LRP1B: variants seen among roughly 807,000 people sequenced by gnomAD.
The protein encoded by LRP1B is LDL receptor related protein 1B.
LRP1B carries 217 observed loss-of-function variants against 556.6 expected under a neutral mutation model. That is an observed-to-expected ratio of 0.39 (90% confidence interval 0.35 to 0.44). The LOEUF is 0.44. LRP1B is among the 20% of genes least tolerant of loss of function. The probability of loss-of-function intolerance (pLI) is 1.00; values close to 1 mark genes in which losing one functional copy is unlikely to be tolerated. For missense variants in LRP1B, 5,053 were observed against 5,620.8 expected, an observed-to-expected ratio of 0.90 and a Z score of 3.23; for synonymous variants, 2,047 against 1,865.8, an observed-to-expected ratio of 1.10 and a Z score of -2.50.
At chr2:140,820,224 C>T (rs1037392299) in intron 31 of LRP1B, among the ~76,000 whole-genome samples, 1 of 152,206 alleles carries the variant, frequency 6.6e-6, no homozygotes, top group Non-Finnish European at 1.5e-5. Context: ...AAGTGATCCA[C>T]CTGGCTCAGC....
intron 43 of LRP1B, among the ~76,000 whole-genome samples, chr2:140,582,676 C>T (rs376962511): frequency 1.3e-5 from 2 of 152,128 alleles, no homozygotes; most frequent in South Asian, 4.1e-4. Context: ...CTATGAGAGG[C>T]AGGCCTTCAC....
intron 1 of LRP1B, among the ~76,000 whole-genome samples, chr2:141,821,978 C>G (rs1416137790): frequency 1.3e-5 from 2 of 151,716 alleles, no homozygotes; most frequent in African/African-American, 4.8e-5. Context: ...GGATTTTGTT[C>G]CTTAATCATT....
At chr2:140,345,737 T>C (rs999693113) in intron 77 of LRP1B, among the ~76,000 whole-genome samples, 8 of 121,182 alleles carry the variant, frequency 6.6e-5, no homozygotes, top group South Asian at 4.6e-4. Context: ...CACATATATA[T>C]ACATATATAT....
At chr2:140,345,878 A>ATATAT (rs200833593) in intron 77 of LRP1B, among the ~76,000 whole-genome samples, 18 of 140,324 alleles carry the variant, frequency 1.3e-4, no homozygotes, top group African/African-American at 2.3e-4. Context: ...ATATATATAT[A>ATATAT]AAAAAAATAG....
intron 86 of LRP1B, among the ~76,000 whole-genome samples, chr2:140,264,431 G>T (rs573416077): frequency 4.9e-4 from 75 of 152,084 alleles, no homozygotes; most frequent in African/African-American, 1.7e-3. Context: ...GTTTCACCAC[G>T]TTGGCCAGGC....
chr2:141,585,422 CGTGTGTGTGTGTGT>C (rs3041302), intron 2 of LRP1B, among the ~76,000 whole-genome samples: 12 of 129,260 alleles, frequency 9.3e-5, no homozygotes, highest in South Asian at 3.1e-4. Flanking sequence ...CTGAAATAAT[CGTGTGTGTGTGTGT>C]GTGTGTGTGT....
intron 3 of LRP1B, among the ~76,000 whole-genome samples, chr2:141,432,226 C>T (rs929207155): frequency 6.6e-6 from 1 of 152,032 alleles, no homozygotes; most frequent in African/African-American, 2.4e-5. Flanking sequence ...ATATTTTACC[C>T]TTTATTCTAT....
intron 41 of LRP1B, among the ~76,000 whole-genome samples, chr2:140,639,184 G>C (rs1684184049): frequency 6.6e-6 from 1 of 152,050 alleles, no homozygotes; most frequent in African/African-American, 2.4e-5. Flanking sequence ...TATCAACGTT[G>C]TGATAATCAT....
intron 2 of LRP1B, among the ~76,000 whole-genome samples, chr2:141,809,139 C>G (rs1696256818): frequency 6.6e-6 from 1 of 152,100 alleles, no homozygotes; most frequent in Admixed American, 6.6e-5. Flanking sequence ...ACTATAAACT[C>G]TTCCTGTGGA....
intron 35 of LRP1B, among the ~76,000 whole-genome samples, chr2:140,744,507 G>A (rs1328960139): frequency 6.6e-6 from 1 of 152,148 alleles, no homozygotes; most frequent in East Asian, 1.9e-4. Flanking sequence ...ACACAAACGT[G>A]AGGAAATTTA....
intron 2 of LRP1B, among the ~76,000 whole-genome samples, chr2:141,650,411 G>A (rs1689742022): frequency 6.6e-6 from 1 of 152,098 alleles, no homozygotes; most frequent in Non-Finnish European, 1.5e-5. Context: ...AGGCAGCAGA[G>A]CCAGTTGAGT....
chr2:141,167,062 AT>A (rs1359066630), intron 7 of LRP1B, among the ~76,000 whole-genome samples: 3 of 151,710 alleles, frequency 2.0e-5, no homozygotes, highest in Non-Finnish European at 2.9e-5. Context: ...CTTATTTTTT[AT>A]TTTTTTATTT....
intron 7 of LRP1B, among the ~76,000 whole-genome samples, chr2:141,167,860 A>AAT (rs1553469715): frequency 2.0e-5 from 3 of 152,020 alleles, no homozygotes; most frequent in Admixed American, 1.3e-4. Flanking sequence ...TTCAGTGATT[A>AAT]ATATATATTT....
chr2:140,327,750 ATTG>A (rs1189488876), intron 79 of LRP1B, among the ~76,000 whole-genome samples: 2 of 152,144 alleles, frequency 1.3e-5, no homozygotes, highest in African/African-American at 4.8e-5. Flanking sequence ...AATCAACAAT[ATTG>A]TTTTTCAGAA....
intron 1 of LRP1B, among the ~76,000 whole-genome samples, chr2:142,106,049 C>G (rs1477176724): frequency 8.5e-5 from 13 of 152,134 alleles, no homozygotes; most frequent in Non-Finnish European, 1.8e-4. Context: ...TTCTCAAGCC[C>G]TATGTCTACC....
intron 7 of LRP1B, among the ~76,000 whole-genome samples, chr2:141,132,949 A>C (rs1021917358): frequency 6.6e-6 from 1 of 151,702 alleles, no homozygotes; most frequent in Non-Finnish European, 1.5e-5. Flanking sequence ...ATGATTCCAT[A>C]TTGAATAATA....
At chr2:141,569,185 C>T (rs539679273) in intron 2 of LRP1B, among the ~76,000 whole-genome samples, 1 of 151,106 alleles carries the variant, frequency 6.6e-6, no homozygotes, top group African/African-American at 2.4e-5. Flanking sequence ...CATTTGAAAA[C>T]AACTCAGGAA....
At chr2:140,988,432 G>A (rs1696992447) in intron 17 of LRP1B, among the ~76,000 whole-genome samples, 1 of 152,082 alleles carries the variant, frequency 6.6e-6, no homozygotes, top group South Asian at 2.1e-4. Flanking sequence ...TTGTCACTAT[G>A]GAAAAAATCT....
chr2:140,390,572 A>G (rs1397879274), intron 66 of LRP1B, among the ~76,000 whole-genome samples: 1 of 152,164 alleles, frequency 6.6e-6, no homozygotes. Flanking sequence ...TAAAATAAAA[A>G]AATGATAAAT....
Sources: gnomAD v4.1 joint callset for allele counts (sites outside exome capture counted in the v4.1 genomes callset) on GRCh38, gnomAD v4.1.1 for gene constraint, MANE v1.5 for transcripts, NCBI Gene and HGNC (gene_info 2026-07-23, HGNC 2026-07-21) for gene names.